SLC4A4: variants seen among roughly 807,000 people sequenced by gnomAD.
SLC4A4 encodes the protein electrogenic sodium bicarbonate cotransporter 1.
A neutral mutation model predicts 111.5 loss-of-function variants in SLC4A4; 27 were observed. That is an observed-to-expected ratio of 0.24 (90% confidence interval 0.18 to 0.33). The LOEUF (loss-of-function observed/expected upper bound fraction) is 0.33, where lower values mean the gene tolerates loss of function less well. Among genes scored for constraint, SLC4A4 ranks in the 10% least tolerant of loss-of-function variants. SLC4A4 has a pLI of 1.00. For synonymous variants in SLC4A4, 443 were observed against 463.4 expected (o/e 0.96, Z 0.57); for missense variants, 909 against 1,315.5 (o/e 0.69, Z 4.78).
chr4:71,298,835 A>G (rs1381515764), intron 3 of SLC4A4, among the ~76,000 whole-genome samples: 2 of 152,188 alleles, frequency 1.3e-5, no homozygotes, highest in African/African-American at 4.8e-5. Context: ...GGCCTCGTAG[A>G]TGAGTGGCCA....
chr4:71,148,722 A>G (rs1450093415), intron 2 of SLC4A4, among the ~76,000 whole-genome samples: 2 of 152,172 alleles, frequency 1.3e-5, no homozygotes, highest in African/African-American at 2.4e-5. Flanking sequence ...CGCAAAGGAC[A>G]TGATCTTGTT....
intron 1 of SLC4A4, among the ~76,000 whole-genome samples, chr4:71,195,875 C>A (rs1388768186): frequency 2.0e-5 from 3 of 152,240 alleles, no homozygotes; most frequent in Admixed American, 2.0e-4. Flanking sequence ...GCATGGAAAT[C>A]TGTTGGCCTT....
chr4:71,461,652 A>AT (rs1560529023), intron 12 of SLC4A4, among the ~76,000 whole-genome samples: 1 of 151,876 alleles, frequency 6.6e-6, no homozygotes, highest in African/African-American at 2.4e-5. Context: ...TTGGCTTTTA[A>AT]TTTTTTTTAG....
At chr4:71,371,925 C>T (rs76361361) in intron 6 of SLC4A4, among the ~76,000 whole-genome samples, 72 of 152,328 alleles carry the variant, frequency 4.7e-4, no homozygotes, top group African/African-American at 1.7e-3. Context: ...TAGGGCCCAT[C>T]TTGGTCACCA....
intron 7 of SLC4A4, among the ~76,000 whole-genome samples, chr4:71,439,706 C>T (rs1322662412): frequency 1.3e-5 from 2 of 151,068 alleles, no homozygotes; most frequent in Admixed American, 1.3e-4. Context: ...AACTCTTACC[C>T]CTCTGCTCTA....
Position 71,326,225 on chromosome 4 carries a change from TA to T in SLC4A4, c.254-13144del, listed in dbSNP as rs138130427. ...GAAAATGATATCTATCAGACTTACT[TA>T]GGGGGCTGTTTCAAATGATAAATAC... On this transcript the variant is annotated intron_variant, in intron 3 of 25. Coordinates refer to ENST00000264485, the MANE Select transcript of SLC4A4 (RefSeq NM_001098484.3). Among the ~76,000 whole-genome samples the T allele has an allele frequency of 1.7e-3, 265 of 152,030 alleles. 2 individuals carry two copies. The highest frequency in any genetic ancestry group is 6.2e-3 in the African/African-American group (258 of 41,502).
chr4:71,175,777 G>T (rs1343737276), intron 2 of SLC4A4, among the ~76,000 whole-genome samples: 1 of 152,218 alleles, frequency 6.6e-6, no homozygotes, highest in Non-Finnish European at 1.5e-5. Context: ...ACAAAAGGCA[G>T]CAGAATCCTC....
At chr4:71,291,466 G>A (rs1451302539) in intron 3 of SLC4A4, among the ~76,000 whole-genome samples, 1 of 151,584 alleles carries the variant, frequency 6.6e-6, no homozygotes, top group Non-Finnish European at 1.5e-5. Context: ...TTGAGACAGG[G>A]TCTCACTCTG....
intron 2 of SLC4A4, among the ~76,000 whole-genome samples, chr4:71,239,756 C>T (rs1560804007): frequency 6.6e-6 from 1 of 152,090 alleles, no homozygotes; most frequent in Non-Finnish European, 1.5e-5. Context: ...AAACCAAGTG[C>T]CAATTTTAAT....
chr4:71,236,424 G>A (rs1719813569), intron 1 of SLC4A4, 152 bp from the exon 2 acceptor site: 5 of 783,464 alleles, frequency 6.4e-6, no homozygotes, highest in African/African-American at 3.5e-5. Flanking sequence ...GAGGAGCTGC[G>A]TGAAGCAGTA....
At chr4:71,555,097 T>C (rs899975261) in intron 20 of SLC4A4, 43 bp from the exon 21 acceptor site, 1 of 1,331,930 alleles carries the variant, frequency 7.5e-7, no homozygotes, top group Admixed American at 1.7e-5. Flanking sequence ...TCCTCTTTTT[T>C]CTTGTTATCA....
At position 71,195,152 on chromosome 4, in the gene SLC4A4, C is replaced by G. The variant is rs371526786; in HGVS notation, c.-2+7751C>G. ...AAAATCAGGCTTGCAGCAGAAGAAA[C>G]TTGGATTTCTATATAGAAATCTAGT... On this transcript the variant is annotated intron_variant, in intron 1 of 25. Coordinates refer to ENST00000264485, the MANE Select transcript of SLC4A4 (RefSeq NM_001098484.3). Among the ~76,000 whole-genome samples the G allele has an allele frequency of 1.9e-4, 29 of 150,360 alleles. No individual in the cohort carries two copies. The South Asian group carries it at 4.0e-3, about 21-fold the overall frequency.
At chr4:71,107,785 G>A (rs1578486983) in intron 2 of SLC4A4, among the ~76,000 whole-genome samples, 1 of 151,244 alleles carries the variant, frequency 6.6e-6, no homozygotes, top group South Asian at 2.1e-4. Context: ...ATAGCTCATT[G>A]CAGCCTCAAA....
intron 16 of SLC4A4, among the ~76,000 whole-genome samples, chr4:71,529,738 G>A (rs1384130620): frequency 6.6e-6 from 1 of 152,098 alleles, no homozygotes; most frequent in Non-Finnish European, 1.5e-5. Context: ...TTAAAAAAAG[G>A]AGGAAAGCTA....
intron 7 of SLC4A4, 80 bp downstream of exon 7, chr4:71,397,733 G>A (rs1719958920): frequency 2.4e-6 from 3 of 1,263,418 alleles, no homozygotes; most frequent in African/African-American, 2.9e-5. Flanking sequence ...AGAGGTGATG[G>A]TTGCTTCACT....
intron 1 of SLC4A4, among the ~76,000 whole-genome samples, chr4:71,188,110 A>C (rs953338866): frequency 6.6e-6 from 1 of 152,158 alleles, no homozygotes; most frequent in Non-Finnish European, 1.5e-5. Context: ...TTTTTTCTTA[A>C]GTGCATTTTA....
chr4:71,207,336 T>G (rs529421265), intron 1 of SLC4A4, among the ~76,000 whole-genome samples: 5 of 152,238 alleles, frequency 3.3e-5, no homozygotes, highest in Non-Finnish European at 7.3e-5. Flanking sequence ...ATGGTCTTCC[T>G]GCATAGAATA....
rs529309472 is a variant in SLC4A4 at position 71,517,069 on chromosome 4, T to C, written c.2167-14993T>C. ...TTTTGTCAATTTCATTATATCTTGATATAGTATTTTTATGTTGAATCTGAT... is the reference window on the plus strand; with the variant it reads ...TTTTGTCAATTTCATTATATCTTGACATAGTATTTTTATGTTGAATCTGAT... On this transcript the variant is annotated intron_variant, in intron 16 of 25. Coordinates refer to ENST00000264485, the MANE Select transcript of SLC4A4 (RefSeq NM_001098484.3). Among the ~76,000 whole-genome samples, 3 of 152,266 alleles carry C rather than the reference T, an allele frequency of 2.0e-5. No individual in the cohort carries two copies. In the South Asian group the frequency reaches 6.2e-4, roughly 32 times the overall value.
At chr4:71,422,100 A>G in intron 7 of SLC4A4, among the ~76,000 whole-genome samples, 1 of 147,148 alleles carries the variant, frequency 6.8e-6, no homozygotes, top group East Asian at 2.0e-4. Context: ...CAAGACTAAT[A>G]AAGAAAAAAA....
Sources: gnomAD v4.1 joint callset for allele counts (sites outside exome capture counted in the v4.1 genomes callset) on GRCh38, gnomAD v4.1.1 for gene constraint, MANE v1.5 for transcripts, NCBI Gene and HGNC (gene_info 2026-07-23, HGNC 2026-07-21) for gene names.